The following LAMA4 variants were observed in gnomAD, a reference collection of about 807,000 sequenced individuals.
LAMA4 encodes the protein laminin subunit alpha 4, also known as laminin subunit alpha-4.
LAMA4 carries 127 observed loss-of-function variants against 207.1 expected under a neutral mutation model. That is an observed-to-expected ratio of 0.61 (90% CI 0.53 to 0.71). LAMA4 has a LOEUF of 0.71. Among genes scored for constraint, LAMA4 ranks in the 30% least tolerant of loss-of-function variants. The pLI, the probability that LAMA4 is intolerant of heterozygous loss-of-function variation, is 0.00. For synonymous variants in LAMA4, 761 were observed against 816.0 expected (o/e 0.93, Z 1.15); for missense variants, 2,093 against 2,246.5 (o/e 0.93, Z 1.38).
In LAMA4 at chr6:112,174,925, A is replaced by G. The variant is rs543145068; in HGVS notation, c.1357+388T>C. Among the ~76,000 whole-genome samples, 4 of 152,358 alleles carry G rather than the reference A, an allele frequency of 2.6e-5. No individual in the cohort carries two copies. In the East Asian group the frequency reaches 7.7e-4, roughly 29 times the overall value. ...TTCCACTGGAGGCTAAAAGATATTA[A>G]AGTCATTCATGGTCTTCACAACATG... On this transcript the variant is annotated intron_variant, in intron 11 of 38. Transcript: ENST00000230538.
intron 14 of LAMA4, among the ~76,000 whole-genome samples, chr6:112,157,720 A>G (rs1417954316): frequency 6.6e-6 from 1 of 152,216 alleles, no homozygotes; most frequent in Non-Finnish European, 1.5e-5. Context: ...AGAGAGCCAT[A>G]AGATGGATCT....
intron 4 of LAMA4, among the ~76,000 whole-genome samples, chr6:112,206,589 G>A (rs1784070508): frequency 6.6e-6 from 1 of 152,130 alleles, no homozygotes; most frequent in Non-Finnish European, 1.5e-5. Flanking sequence ...GTTGATCTGT[G>A]TTCTAATTCT....
At chr6:112,194,030 G>C (rs1374892791) in intron 5 of LAMA4, among the ~76,000 whole-genome samples, 1 of 152,190 alleles carries the variant, frequency 6.6e-6, no homozygotes, top group Non-Finnish European at 1.5e-5. Context: ...AACCCACAAA[G>C]AGACACCCCA....
At chr6:112,239,321 C>CAA (rs1202967086) in intron 2 of LAMA4, among the ~76,000 whole-genome samples, 24,228 of 77,870 alleles carry the variant, frequency 0.31, 3,568 homozygotes, top group Non-Finnish European at 0.41. Flanking sequence ...GACTCCATCT[C>CAA]AAAAAAAAAA....
chr6:112,118,103 C>A lies in LAMA4; in HGVS notation c.4822-205G>T, dbSNP rs1383836116. On this transcript the variant is annotated intron_variant, in intron 34 of 38. Coordinates refer to ENST00000230538, the MANE Select transcript of LAMA4 (RefSeq NM_001105206.3). This position sits in a 1 kb window ranked among gnomAD's most constrained non-coding sequence, Gnocchi z 4.6. ...GGAATTTTGTATTTGATAATGTCAA[C>A]CTGTAGTAATTAAGCTATGGACATT... Among the ~76,000 whole-genome samples the A allele has an allele frequency of 2.6e-5, 4 of 152,172 alleles. No individual in the cohort carries two copies. Among genetic ancestry groups the A allele is most frequent in the East Asian group, 1.9e-4 (1 of 5,202 alleles).
intron 8 of LAMA4, chr6:112,186,717 G>A (rs782209331): frequency 6.7e-6 from 3 of 445,992 alleles, no homozygotes; most frequent in African/African-American, 2.0e-5. Context: ...GTAAATAGTT[G>A]TTACACTGTA....
Position 112,114,059 on chromosome 6 carries a change from T to G in LAMA4, c.5326+17A>C. 1 of 1,613,796 alleles carries G rather than the reference T, an allele frequency of 6.2e-7. No homozygotes were observed. The highest frequency in any genetic ancestry group is 8.5e-7 in the Non-Finnish European group (1 of 1,179,704). ...GTTTTTTGGATTGGGAACTTTTCCT[T>G]TTTAAACAACACTTACCTGGAACAC... is the stretch of plus-strand genomic sequence containing the variant. On this transcript the variant is annotated intron_variant, in intron 38 of 38. Transcript: ENST00000230538.
At position 112,155,648 on chromosome 6, in the gene LAMA4, C is replaced by T. The variant is rs1191928114; in HGVS notation, c.1876G>A (p.Val626Ile). The change falls in exon 15 of 39, where the codon GTC (valine) becomes ATC (isoleucine). Residue 626 changes from valine (V) to isoleucine (I), a missense_variant. Around this residue, in one of 3 missense-constraint regions of LAMA4, gnomAD observed 1,704 missense variants for 1,788.4 expected, o/e 0.95. Transcript: ENST00000230538. The stretch of plus-strand genomic sequence containing the variant: ...ACATAATTAACAATATTTTCATAGA[C>T]ATTTGATGCATCCAAAGCCTTCTGT... ...LVQKALDASN[V>I]YENIVNYVSE... The T allele has an allele frequency of 6.2e-7, 1 of 1,613,952 alleles. No homozygotes were observed. The highest frequency in any genetic ancestry group is 1.7e-5 in the Admixed American group (1 of 60,008).
intron 24 of LAMA4, among the ~76,000 whole-genome samples, chr6:112,137,491 A>G (rs1779423718): frequency 6.6e-6 from 1 of 152,252 alleles, no homozygotes; most frequent in Admixed American, 6.5e-5. Flanking sequence ...CCTTCATTTT[A>G]TCCTTTTGTC....
intron 24 of LAMA4, 114 bp from the exon 25 acceptor site, chr6:112,136,368 T>C (rs1213014831): frequency 5.9e-6 from 5 of 844,532 alleles, no homozygotes; most frequent in Non-Finnish European, 9.6e-6. Context: ...ATTTGAAGAC[T>C]AAGAAAGTCT....
At chr6:112,160,837 T>C (rs1554338223) in intron 13 of LAMA4, among the ~76,000 whole-genome samples, 1 of 152,216 alleles carries the variant, frequency 6.6e-6, no homozygotes, top group African/African-American at 2.4e-5. Flanking sequence ...TTCTCCACTG[T>C]CTTGCAGGAA....
intron 2 of LAMA4, among the ~76,000 whole-genome samples, chr6:112,221,583 T>C (rs1784926950): frequency 6.6e-6 from 1 of 152,228 alleles, no homozygotes; most frequent in African/African-American, 2.4e-5. Flanking sequence ...ATTTGATGAA[T>C]CCACTTTTCT....
chr6:112,189,061 A>G, intron 7 of LAMA4, 49 bp downstream of exon 7: 5 of 1,307,502 alleles, frequency 3.8e-6, no homozygotes, highest in Non-Finnish European at 5.5e-6. Context: ...CCACACCTGC[A>G]GCACATTAGA....
chr6:112,216,687 C>T (rs1022851250), intron 2 of LAMA4: 4 of 546,592 alleles, frequency 7.3e-6, no homozygotes, highest in South Asian at 6.1e-5. Flanking sequence ...ATAACTTTTT[C>T]CCTCCTTTCA....
intron 38 of LAMA4, among the ~76,000 whole-genome samples, chr6:112,112,239 G>T (rs1382106479): frequency 1.3e-5 from 2 of 152,192 alleles, no homozygotes; most frequent in South Asian, 4.1e-4. Flanking sequence ...GGAGGAATAG[G>T]AGAAGTTGTT....
intron 4 of LAMA4, among the ~76,000 whole-genome samples, chr6:112,206,058 CT>C (rs1410202906): frequency 6.6e-6 from 1 of 152,188 alleles, no homozygotes; most frequent in Admixed American, 6.5e-5. Context: ...CCATGTAGCT[CT>C]TTTGGAGTTG....
intron 32 of LAMA4, 119 bp downstream of exon 32, chr6:112,121,895 A>G: frequency 1.2e-6 from 1 of 843,140 alleles, no homozygotes; most frequent in Non-Finnish European, 2.0e-6. Context: ...TTTGGTGATA[A>G]CATAATAGGA....
At chr6:112,131,172 A>G (rs1182526757) in intron 28 of LAMA4, 71 bp from the exon 29 acceptor site, 3 of 1,416,332 alleles carry the variant, frequency 2.1e-6, no homozygotes, top group Non-Finnish European at 3.0e-6. Flanking sequence ...TTCAACATTT[A>G]CTGAATGGTA....
Position 112,178,158 on chromosome 6 carries a change from C to A in LAMA4, c.1152G>T (p.Leu384=). The change falls in exon 10 of 39, where the codon CTG becomes CTT. Residue 384 remains leucine, a synonymous_variant. Coordinates refer to ENST00000230538, the MANE Select transcript of LAMA4 (RefSeq NM_001105206.3). The part of the protein sequence containing the change: ...SMDTINHASQ[L]VEQAHDMRDK... ...CCCTCATATCATGGGCTTGCTCTAC[C>A]AGCTGACTTGCGTGGTTAATGGTGT... The A allele has an allele frequency of 6.2e-7, 1 of 1,613,892 alleles. No individual in the cohort carries two copies.
Sources: allele counts gnomAD v4.1 joint callset (sites outside exome capture counted in the v4.1 genomes callset), GRCh38; gene constraint gnomAD v4.1.1; regional missense constraint gnomAD v4.1.1; non-coding constraint Gnocchi (gnomAD v3.1); transcripts MANE v1.5; gene names NCBI Gene and HGNC (gene_info 2026-07-23, HGNC 2026-07-21).